LAMA1: variants seen among roughly 807,000 people sequenced by gnomAD.
LAMA1 encodes the protein laminin subunit alpha 1.
Under a neutral mutation model 348.7 loss-of-function variants are expected in LAMA1, and 219 were observed. The ratio of observed to expected loss-of-function variants is 0.63; its 90% confidence interval spans 0.56 to 0.70. The LOEUF (loss-of-function observed/expected upper bound fraction) is 0.70, where lower values mean the gene tolerates loss of function less well. LAMA1 is among the 30% of genes least tolerant of loss of function. The pLI is 0.00. For missense variants in LAMA1, 3,744 were observed against 3,888.0 expected (o/e 0.96, Z 0.99); for synonymous variants, 1,487 against 1,491.0 (o/e 1.00, Z 0.06).
At chr18:6,946,203 G>C (rs755014828) in intron 61 of LAMA1, among the ~76,000 whole-genome samples, 4 of 152,160 alleles carry the variant, frequency 2.6e-5, no homozygotes, top group African/African-American at 4.8e-5. Context: ...GGAACGGACT[G>C]TTGATATGCA....
chr18:7,055,453 CAAAAA>C (rs57670126), intron 3 of LAMA1, among the ~76,000 whole-genome samples: 1 of 61,748 alleles, frequency 1.6e-5, no homozygotes, highest in African/African-American at 5.7e-5. Context: ...AACTCCGTCT[CAAAAA>C]AAAAAAAAAA....
In LAMA1 at chr18:6,949,156, C is replaced by A. The variant is rs750185055; in HGVS notation, c.8501G>T (p.Gly2834Val). Reference sequence around the variant, plus strand: ...GGGCAGGCCTCCTAGGTAGAACAAACCCTCCACATCCAGCATGGTTCCATC... The same window carrying A: ...GGGCAGGCCTCCTAGGTAGAACAAAACCTCCACATCCAGCATGGTTCCATC... ...VGDGTMLDVEGLFYLGGLPSQ... is the reference protein window; with the variant it reads ...VGDGTMLDVEVLFYLGGLPSQ... Residue 2834 changes from glycine (G) to valine (V), a missense_variant, in exon 59 of 63, where the codon GGT becomes GTT. Gly to Val is a moderately radical substitution (Grantham distance 109). Around this residue, in one of 3 missense-constraint regions of LAMA1, gnomAD observed 1,983 missense variants for 1,934.3 expected, o/e 1.03. Transcript: ENST00000389658. 8.7e-6 allele frequency: 14 copies of A among 1,614,200 alleles called. No homozygotes were observed. The highest frequency in any genetic ancestry group is 1.2e-5 in the Non-Finnish European group (14 of 1,180,034).
intron 48 of LAMA1, among the ~76,000 whole-genome samples, chr18:6,969,414 C>T (rs2057648321): frequency 6.6e-6 from 1 of 152,192 alleles, no homozygotes; most frequent in African/African-American, 2.4e-5. Flanking sequence ...GACAGGGTTA[C>T]CATGCATGTC....
At position 7,107,830 on chromosome 18, in the gene LAMA1, T is replaced by C. The variant is rs372255575; in HGVS notation, c.61+9830A>G. Among the ~76,000 whole-genome samples, 158 of 151,108 alleles carry C rather than the reference T, an allele frequency of 1.0e-3. No homozygotes were observed. In the East Asian group the frequency reaches 0.011, roughly 10 times the overall value. On this transcript the variant is annotated intron_variant, in intron 1 of 62. Coordinates refer to ENST00000389658, the MANE Select transcript of LAMA1 (RefSeq NM_005559.4). ...GAGATTGAGACCGTCCTGGCTACCA[T>C]GGTGAAACCCCGTCTCTACTAAAAA...
Position 6,999,511 on chromosome 18 carries a change from C to G in LAMA1, c.4597G>C (p.Gly1533Arg), listed in dbSNP as rs2057797804. 1 of 1,614,048 alleles carries G rather than the reference C, an allele frequency of 6.2e-7. No individual in the cohort carries two copies. The highest frequency in any genetic ancestry group is 1.3e-5 in the African/African-American group (1 of 74,924). ...RTSGQCVCRL[G>R]ASGLRCDECE... is the part of the protein sequence containing the mutation. Reference sequence around the variant, plus strand: ...TCATCGCACCGGAGCCCCGAGGCCCCCAGCCTGCAAACGCACTGCCCAGAT... The same window carrying G: ...TCATCGCACCGGAGCCCCGAGGCCCGCAGCCTGCAAACGCACTGCCCAGAT... The change falls in exon 32 of 63, where the codon GGG (glycine) becomes CGG (arginine). Residue 1533 changes from glycine to arginine, a missense_variant. By Grantham distance (125) the Gly-to-Arg change is moderately radical. Around this residue, in one of 3 missense-constraint regions of LAMA1, gnomAD observed 1,983 missense variants for 1,934.3 expected, o/e 1.03. Coordinates refer to ENST00000389658, the MANE Select transcript of LAMA1 (RefSeq NM_005559.4).
At chr18:6,976,638 G>GCAACA (rs1353958247) in intron 44 of LAMA1, among the ~76,000 whole-genome samples, 1 of 151,116 alleles carries the variant, frequency 6.6e-6, no homozygotes, top group African/African-American at 2.4e-5. Context: ...TTAGGGTCTT[G>GCAACA]CTCTGTTGCC....
chr18:6,992,796 C>T, intron 35 of LAMA1, 76 bp from the exon 36 acceptor site: 2 of 1,281,144 alleles, frequency 1.6e-6, no homozygotes, highest in Non-Finnish European at 2.2e-6. Context: ...TTAGAAACTT[C>T]TCTGCTGAGG....
At chr18:7,004,752 A>G (rs1410304787) in intron 29 of LAMA1, among the ~76,000 whole-genome samples, 1 of 152,208 alleles carries the variant, frequency 6.6e-6, no homozygotes, top group Non-Finnish European at 1.5e-5. Context: ...TACCTGTACA[A>G]TAAGCACAGG....
Position 7,044,815 on chromosome 18 carries a change from T to C in LAMA1, c.883A>G (p.Asn295Asp). The C allele has an allele frequency of 6.2e-7, 1 of 1,614,134 alleles. No homozygotes were observed. Among genetic ancestry groups the C allele is most frequent in the Non-Finnish European group, 8.5e-7 (1 of 1,179,984 alleles). Residue 295 changes from asparagine (N) to aspartate (D), a missense_variant, in exon 7 of 63, where the codon AAT becomes GAT. Coordinates refer to ENST00000389658, the MANE Select transcript of LAMA1 (RefSeq NM_005559.4). Reference protein sequence around the residue: ...TKKLQCQCEHNTCGESCNRCC... With the variant: ...TKKLQCQCEHDTCGESCNRCC... ...CTGTTACAGCTCTCCCCGCAAGTAT[T>C]ATGCTCACATTGACACTGCAGTTTC...
At chr18:7,044,145 A>G (rs1173053147) in intron 7 of LAMA1, among the ~76,000 whole-genome samples, 2 of 141,142 alleles carry the variant, frequency 1.4e-5, no homozygotes, top group African/African-American at 5.5e-5. Flanking sequence ...CGTAGGTGAC[A>G]GAGTGAGACT....
chr18:7,117,600 G>T (rs1330699917), intron 1 of LAMA1, 60 bp downstream of exon 1: 9 of 1,547,824 alleles, frequency 5.8e-6, no homozygotes, highest in Admixed American at 1.8e-5. Flanking sequence ...CTTTGTCCGC[G>T]GCCGCCCCCG....
intron 16 of LAMA1, among the ~76,000 whole-genome samples, chr18:7,028,411 A>T (rs2057953972): frequency 6.6e-6 from 1 of 152,222 alleles, no homozygotes; most frequent in South Asian, 2.1e-4. Flanking sequence ...GCAGAATAAC[A>T]CACAGAAATA....
Position 6,965,545 on chromosome 18 carries a change from T to C in LAMA1, c.7051-113A>G, listed in dbSNP as rs528874598. 1.5e-4 allele frequency: 188 copies of C among 1,263,884 alleles called. 1 individual carries two copies. The East Asian group carries it at 4.3e-3, about 29-fold the overall frequency. The allele number at this position is 1,263,884 out of a possible 1,614,324, so 78.3% of individuals were successfully genotyped here. On this transcript the variant is annotated intron_variant, in intron 49 of 62. Transcript: ENST00000389658. The stretch of plus-strand genomic sequence containing the variant: ...AAAGTCAAACTGAGAAAACTGGATC[T>C]GGCCCCACAGCCAGAGGTCTATCGG...
chr18:7,117,288 G>A (rs895433073), intron 1 of LAMA1, among the ~76,000 whole-genome samples: 2 of 151,478 alleles, frequency 1.3e-5, no homozygotes, highest in African/African-American at 4.8e-5. Flanking sequence ...CGCAGCCGGG[G>A]CACTAAAAGC....
At chr18:7,112,062 C>A (rs2058337905) in intron 1 of LAMA1, among the ~76,000 whole-genome samples, 1 of 149,098 alleles carries the variant, frequency 6.7e-6, no homozygotes, top group Non-Finnish European at 1.5e-5. Flanking sequence ...TCTTAAAATT[C>A]TAAAATATAT....
chr18:7,015,584 T>G, intron 22 of LAMA1, 138 bp downstream of exon 22: 62 of 1,028,494 alleles, frequency 6.0e-5, no homozygotes, highest in Middle Eastern at 3.3e-4. Context: ...CTGGCCCACA[T>G]TGAGTTTTTT....
rs138544532 is a variant in LAMA1, at chr18:6,946,495, G to A, written c.8844+668C>T. ...CAGCACTTTGGGAGGCGAGGCGGGC[G>A]GATCACGAGGTCAGGAGTTCGAGAA... is the stretch of plus-strand genomic sequence containing the variant. On this transcript the variant is annotated intron_variant, in intron 61 of 62. Transcript: ENST00000389658. Among the ~76,000 whole-genome samples, 40 of 152,074 alleles carry A rather than the reference G, an allele frequency of 2.6e-4. No individual in the cohort carries two copies. In the East Asian group the frequency reaches 6.2e-3, roughly 24 times the overall value.
At chr18:7,082,555 A>G (rs1425025836) in intron 1 of LAMA1, among the ~76,000 whole-genome samples, 1 of 152,226 alleles carries the variant, frequency 6.6e-6, no homozygotes, top group Non-Finnish European at 1.5e-5. Flanking sequence ...GCAGGGGCTG[A>G]CGTTTATTCT....
At chr18:7,063,863 C>A (rs753186677) in intron 3 of LAMA1, among the ~76,000 whole-genome samples, 1 of 152,052 alleles carries the variant, frequency 6.6e-6, no homozygotes, top group Non-Finnish European at 1.5e-5. Flanking sequence ...AAGAGAGGAA[C>A]GTGGAGTTGG....
Sources: allele counts gnomAD v4.1 joint callset (sites outside exome capture counted in the v4.1 genomes callset), GRCh38; gene constraint gnomAD v4.1.1; regional missense constraint gnomAD v4.1.1; transcripts MANE v1.5; gene names NCBI Gene and HGNC (gene_info 2026-07-23, HGNC 2026-07-21).